The following GATAD2A variants were observed in gnomAD, a reference collection of about 807,000 sequenced individuals.
GATAD2A encodes the protein GATA zinc finger domain containing 2A.
In GATAD2A, 12 loss-of-function variants were observed where a neutral mutation model predicts 68.5. That is an observed-to-expected ratio of 0.18 (90% CI 0.11 to 0.28). GATAD2A has a LOEUF of 0.28. Among genes scored for constraint, GATAD2A ranks in the 10% least tolerant of loss-of-function variants. The pLI is 1.00. For missense variants in GATAD2A, 755 were observed against 868.5 expected (o/e 0.87, Z 1.64); for synonymous variants, 410 against 375.3 (o/e 1.09, Z -1.07).
intron 2 of GATAD2A, among the ~76,000 whole-genome samples, chr19:19,487,858 A>C (rs1417764119): frequency 1.3e-5 from 2 of 152,158 alleles, no homozygotes; most frequent in Non-Finnish European, 2.9e-5. Context: ...GCTCTAGCAG[A>C]GCCCTCATCC....
chr19:19,423,336 C>T (rs543159929), intron 1 of GATAD2A, among the ~76,000 whole-genome samples: 5 of 152,332 alleles, frequency 3.3e-5, no homozygotes, highest in East Asian at 1.9e-4. Flanking sequence ...TATGCGGTGG[C>T]GGCTGAGATT....
intron 1 of GATAD2A, among the ~76,000 whole-genome samples, chr19:19,422,647 C>G (rs891495505): frequency 6.6e-6 from 1 of 152,106 alleles, no homozygotes; most frequent in Admixed American, 6.5e-5. Context: ...TTGTCTGATA[C>G]TATACATTGT....
chr19:19,506,204 T>G lies in GATAD2A; in HGVS notation c.*730T>G. On this transcript the variant is annotated 3_prime_UTR_variant, in exon 12 of 12. Transcript: ENST00000683918. ...CCAGCTGAACGCCTCCATTGCTGCT[T>G]GTTCTGGAGACCCCCGCCCCCGCAC... 1 of 398,472 alleles carries G rather than the reference T, an allele frequency of 2.5e-6. No homozygotes were observed. The highest frequency in any genetic ancestry group is 4.4e-6 in the Non-Finnish European group (1 of 225,884). 24.7% of individuals were successfully genotyped at this position (398,472 alleles called of 1,614,324 possible).
chr19:19,471,013 TG>T (rs1030375884), intron 2 of GATAD2A, among the ~76,000 whole-genome samples: 23 of 152,212 alleles, frequency 1.5e-4, no homozygotes, highest in African/African-American at 4.8e-4. Context: ...CCCAGCACAT[TG>T]GGAGGCCGAG....
intron 1 of GATAD2A, among the ~76,000 whole-genome samples, chr19:19,391,093 G>A (rs980135020): frequency 6.6e-6 from 1 of 152,088 alleles, no homozygotes; most frequent in African/African-American, 2.4e-5. Flanking sequence ...TTTCTTGAGA[G>A]GATTTTTTTC....
In GATAD2A at chr19:19,506,416, C is replaced by A. The variant is rs2060869389; in HGVS notation, c.*942C>A. ...ATTTTATTAAATTTTTTCCTTTTTT[C>A]TATTCATTTCGATGGACGCAATCTT... On this transcript the variant is annotated 3_prime_UTR_variant, in exon 12 of 12. Coordinates refer to ENST00000683918, the MANE Select transcript of GATAD2A (RefSeq NM_001384528.1). 1 of 334,978 alleles carries A rather than the reference C, an allele frequency of 3.0e-6. No homozygotes were observed. The highest frequency in any genetic ancestry group is 5.3e-6 in the Non-Finnish European group (1 of 187,364). 20.8% of individuals were successfully genotyped at this position (334,978 alleles called of 1,614,324 possible).
intron 2 of GATAD2A, among the ~76,000 whole-genome samples, chr19:19,487,868 C>T (rs1225689055): frequency 1.3e-5 from 2 of 152,142 alleles, no homozygotes. Flanking sequence ...AGCCCTCATC[C>T]CACCCTTGCA....
chr19:19,408,092 C>G (rs2050488331), intron 1 of GATAD2A, among the ~76,000 whole-genome samples: 1 of 152,210 alleles, frequency 6.6e-6, no homozygotes, highest in African/African-American at 2.4e-5. Context: ...TTCCGCCTCT[C>G]AGGTTCAAGC....
At chr19:19,437,488 T>C (rs544426320) in intron 1 of GATAD2A, among the ~76,000 whole-genome samples, 1 of 152,352 alleles carries the variant, frequency 6.6e-6, no homozygotes, top group South Asian at 2.1e-4. Context: ...CAATTCAGTT[T>C]TTTATATATA....
At position 19,437,183 on chromosome 19, in the gene GATAD2A, G is replaced by A. The variant is rs138438318; in HGVS notation, c.-6-28157G>A. Among the ~76,000 whole-genome samples the A allele has an allele frequency of 1.5e-3, 228 of 152,296 alleles. 2 individuals carry two copies. Among genetic ancestry groups the A allele is most frequent in the African/African-American group, 5.4e-3 (225 of 41,552 alleles). Reference sequence around the variant, plus strand: ...CTCACTCTGTCACCCAGGCTGGAGTGTAATGGCATGATCATAGCTCACTGC... The same window carrying A: ...CTCACTCTGTCACCCAGGCTGGAGTATAATGGCATGATCATAGCTCACTGC... On this transcript the variant is annotated intron_variant, in intron 1 of 11. Transcript: ENST00000683918.
intron 1 of GATAD2A, among the ~76,000 whole-genome samples, chr19:19,421,638 C>T (rs573978306): frequency 6.6e-6 from 1 of 152,100 alleles, no homozygotes; most frequent in South Asian, 2.1e-4. Flanking sequence ...TGTGCAGCCA[C>T]TCTACTGTGT....
intron 2 of GATAD2A, among the ~76,000 whole-genome samples, chr19:19,485,945 C>T (rs1217985881): frequency 6.6e-6 from 1 of 152,208 alleles, no homozygotes; most frequent in African/African-American, 2.4e-5. Flanking sequence ...TTTCCCTTTC[C>T]TCCAGCAGCA....
chr19:19,404,543 G>A (rs1006606796), upstream of GATAD2A, among the ~76,000 whole-genome samples: 6 of 152,090 alleles, frequency 3.9e-5, no homozygotes, highest in Non-Finnish European at 5.9e-5. Flanking sequence ...ATTGCCGGGT[G>A]TGATGGAACG....
intron 1 of GATAD2A, chr19:19,429,379 T>TGGGTCTGA (rs145367231): frequency 0.014 from 3,386 of 238,820 alleles, 115 homozygotes; most frequent in African/African-American, 0.074. Context: ...GCAGGCGTGC[T>TGGGTCTGA]GGGTCTGAGG....
intron 1 of GATAD2A, among the ~76,000 whole-genome samples, chr19:19,452,092 C>CGT (rs1195574805): frequency 1.3e-5 from 2 of 152,336 alleles, no homozygotes; most frequent in East Asian, 3.9e-4. Flanking sequence ...TGAGTATATA[C>CGT]GTGTGTGTTG....
rs369745941 is a variant in GATAD2A, at chr19:19,465,386, C to G, written c.41C>G (p.Ala14Gly). Residue 14 changes from alanine (A) to glycine (G), a missense_variant, in exon 2 of 12, where the codon GCG (alanine) becomes GGG (glycine). Ala to Gly is a moderately conservative substitution (Grantham distance 60). Transcript: ENST00000683918. ...TGCCGAACACGGAGTCAGAAACGAGCGCTTGAACGGGACCCAACAGAGGAC... is the reference window on the plus strand; with the variant it reads ...TGCCGAACACGGAGTCAGAAACGAGGGCTTGAACGGGACCCAACAGAGGAC... ...EACRTRSQKR[A>G]LERDPTEDDV... 1.2e-6 allele frequency: 2 copies of G among 1,613,840 alleles called. No individual in the cohort carries two copies. The highest frequency in any genetic ancestry group is 1.7e-6 in the Non-Finnish European group (2 of 1,179,746).
intron 1 of GATAD2A, among the ~76,000 whole-genome samples, chr19:19,391,697 T>G (rs1314102183): frequency 6.6e-6 from 1 of 152,214 alleles, no homozygotes. Flanking sequence ...GAAATGATAT[T>G]GATCTAGGTA....
At chr19:19,444,479 G>A (rs2055471985) in intron 1 of GATAD2A, among the ~76,000 whole-genome samples, 1 of 152,136 alleles carries the variant, frequency 6.6e-6, no homozygotes, top group African/African-American at 2.4e-5. Flanking sequence ...GGCACCCCAA[G>A]GGTGTCCCTG....
intron 1 of GATAD2A, among the ~76,000 whole-genome samples, chr19:19,391,387 T>C (rs2146840476): frequency 6.6e-6 from 1 of 152,354 alleles, no homozygotes; most frequent in South Asian, 2.1e-4. Context: ...ACACTGACTT[T>C]GGTATTGAAG....
Sources: allele counts gnomAD v4.1 joint callset (sites outside exome capture counted in the v4.1 genomes callset), GRCh38; gene constraint gnomAD v4.1.1; transcripts MANE v1.5; gene names NCBI Gene and HGNC (gene_info 2026-07-23, HGNC 2026-07-21).